LARGE1: variants seen among roughly 807,000 people sequenced by gnomAD.
LARGE1 encodes xylosyl- and glucuronyltransferase LARGE1.
LARGE1 carries 43 observed loss-of-function variants against 87.6 expected under a neutral mutation model. The ratio of observed to expected loss-of-function variants is 0.49; its 90% CI spans 0.38 to 0.63. LARGE1 has a LOEUF of 0.63. Among genes scored for constraint, LARGE1 ranks in the 30% least tolerant of loss-of-function variants. The pLI is 0.00. For synonymous variants in LARGE1, 434 were observed against 394.6 expected, an observed-to-expected ratio of 1.10 and a Z score of -1.18; for missense variants, 802 against 1,000.2, an observed-to-expected ratio of 0.80 and a Z score of 2.67.
At chr22:33,207,661 A>T (rs1313010509) in intron 11 of LARGE1, among the ~76,000 whole-genome samples, 2 of 151,974 alleles carry the variant, frequency 1.3e-5, no homozygotes, top group African/African-American at 2.4e-5. Context: ...ACCCCATTAT[A>T]AGCTTCTTTT....
chr22:33,435,480 T>C (rs1222104327), intron 6 of LARGE1, among the ~76,000 whole-genome samples: 4 of 152,190 alleles, frequency 2.6e-5, no homozygotes, highest in Admixed American at 6.5e-5. Context: ...GCTAAATAAA[T>C]GACATCTAGT....
At chr22:33,567,733 A>G (rs1334656985) in intron 5 of LARGE1, among the ~76,000 whole-genome samples, 1 of 152,194 alleles carries the variant, frequency 6.6e-6, no homozygotes, top group Admixed American at 6.5e-5. Context: ...TGTATCCAGC[A>G]GGCAATTTCT....
chr22:33,692,477 AT>A (rs1326808420), intron 2 of LARGE1, among the ~76,000 whole-genome samples: 1 of 152,086 alleles, frequency 6.6e-6, no homozygotes, highest in African/African-American at 2.4e-5. Context: ...CAAATGGCTA[AT>A]TTTTGTAGTT....
intron 7 of LARGE1, among the ~76,000 whole-genome samples, chr22:33,391,809 G>A (rs952128847): frequency 1.5e-5 from 2 of 132,696 alleles, no homozygotes; most frequent in African/African-American, 5.7e-5. Flanking sequence ...TTGCACTGTC[G>A]CTCAGGCAGG....
At chr22:33,103,302 G>A in the LARGE1 span, among the ~76,000 whole-genome samples, 17 of 151,656 alleles carry the variant, frequency 1.1e-4, no homozygotes, top group Non-Finnish European at 2.4e-4. Flanking sequence ...GCGTGGTGGC[G>A]GGCGCCTGTA....
the LARGE1 span, among the ~76,000 whole-genome samples, chr22:33,135,436 T>C: frequency 5.9e-5 from 9 of 152,304 alleles, no homozygotes; most frequent in South Asian, 1.2e-3. Flanking sequence ...AAAAACAATA[T>C]CATTAAATAC....
chr22:33,496,918 A>G (rs1049696710), intron 6 of LARGE1, among the ~76,000 whole-genome samples: 26 of 151,846 alleles, frequency 1.7e-4, no homozygotes, highest in Admixed American at 5.9e-4. Context: ...TTTTCATTTT[A>G]TTTTTGCTTT....
chr22:33,146,096 A>G, the LARGE1 span, among the ~76,000 whole-genome samples: 2 of 152,232 alleles, frequency 1.3e-5, no homozygotes, highest in East Asian at 3.8e-4. Flanking sequence ...TGTTTTGAGA[A>G]TTAAGTATAT....
At chr22:33,445,539 C>T (rs2067650875) in intron 6 of LARGE1, among the ~76,000 whole-genome samples, 1 of 151,878 alleles carries the variant, frequency 6.6e-6, no homozygotes, top group Admixed American at 6.6e-5. Flanking sequence ...AGTGGTATCT[C>T]AGAAAAATAC....
chr22:33,855,276 G>A (rs1480545205), intron 1 of LARGE1, among the ~76,000 whole-genome samples: 1 of 152,184 alleles, frequency 6.6e-6, no homozygotes, highest in East Asian at 1.9e-4. Context: ...GGAGCTTGCA[G>A]TGAGCGGAGA....
the LARGE1 span, among the ~76,000 whole-genome samples, chr22:33,120,195 CTT>C: frequency 2.0e-5 from 3 of 152,104 alleles, no homozygotes; most frequent in Non-Finnish European, 2.9e-5. Context: ...TATATACACT[CTT>C]AAGTCTTTTC....
intron 12 of LARGE1, among the ~76,000 whole-genome samples, chr22:33,285,588 T>C (rs5998846): frequency 0.065 from 9,927 of 152,126 alleles, 1,066 homozygotes; most frequent in African/African-American, 0.23. Context: ...CACGCCACTG[T>C]GTTCCACCCT....
At chr22:33,192,199 A>G (rs993900974) in intron 11 of LARGE1, among the ~76,000 whole-genome samples, 1 of 152,224 alleles carries the variant, frequency 6.6e-6, no homozygotes, top group African/African-American at 2.4e-5. Flanking sequence ...TAAGAGTATC[A>G]TCAGTAAAAG....
At chr22:33,243,564 T>C (rs1296387791) in intron 11 of LARGE1, among the ~76,000 whole-genome samples, 1 of 152,260 alleles carries the variant, frequency 6.6e-6, no homozygotes, top group Admixed American at 6.5e-5. Flanking sequence ...ATCCATTTTA[T>C]GTGTATCAGT....
Position 33,397,270 on chromosome 22 carries a change from T to C in LARGE1, c.893-12966A>G, listed in dbSNP as rs554615363. Among the ~76,000 whole-genome samples, 9 of 152,208 alleles carry C rather than the reference T, an allele frequency of 5.9e-5. No individual in the cohort carries two copies. In the South Asian group the frequency reaches 1.9e-3, roughly 32 times the overall value. The stretch of plus-strand genomic sequence containing the variant: ...AGCTGGGATAACAGGCATGTGCCAC[T>C]ATGCCCGGCTAATTTTGTATTTTTA... On this transcript the variant is annotated intron_variant, in intron 7 of 14. Transcript: ENST00000397394.
chr22:33,673,012 C>G (rs1271504187), intron 2 of LARGE1, among the ~76,000 whole-genome samples: 12 of 152,116 alleles, frequency 7.9e-5, no homozygotes, highest in Non-Finnish European at 2.9e-5. Context: ...TAGTGGCTCA[C>G]ACTTGTAATC....
intron 5 of LARGE1, among the ~76,000 whole-genome samples, chr22:33,598,049 C>T (rs1324338504): frequency 6.6e-6 from 1 of 152,134 alleles, no homozygotes; most frequent in Non-Finnish European, 1.5e-5. Context: ...TATACTGGTT[C>T]TTCAGGAACA....
downstream of LARGE1, among the ~76,000 whole-genome samples, chr22:33,158,070 A>G (rs1307630765): frequency 6.6e-6 from 1 of 152,116 alleles, no homozygotes; most frequent in Non-Finnish European, 1.5e-5. Flanking sequence ...ATAACAGTGT[A>G]TTGTATATTT....
Position 33,274,299 on chromosome 22 carries a change from G to A in LARGE1, c.*128C>T, listed in dbSNP as rs1928714955. The A allele has an allele frequency of 2.0e-6, 2 of 987,040 alleles. No individual in the cohort carries two copies. The highest frequency in any genetic ancestry group is 1.8e-5 in the Admixed American group (1 of 54,476). 61.1% of individuals were successfully genotyped at this position (987,040 alleles called of 1,614,324 possible). On this transcript the variant is annotated 3_prime_UTR_variant, in exon 15 of 15. Transcript: ENST00000397394. ...TCTCTGTAGTGAGGGCAGCTTGGCT[G>A]GGCCAAAGAGATAAATAAAAACAAA...
Sources: allele counts gnomAD v4.1 joint callset (sites outside exome capture counted in the v4.1 genomes callset), GRCh38; gene constraint gnomAD v4.1.1; transcripts MANE v1.5; gene names NCBI Gene and HGNC (gene_info 2026-07-23, HGNC 2026-07-21).